SEMA5A: variants seen among roughly 807,000 people sequenced by gnomAD.
SEMA5A encodes the protein semaphorin 5A.
SEMA5A carries 55 observed loss-of-function variants against 135.5 expected under a neutral mutation model. The ratio of observed to expected loss-of-function variants is 0.41; its 90% confidence interval spans 0.33 to 0.51. The LOEUF is 0.51. Among genes scored for constraint, SEMA5A ranks in the 20% least tolerant of loss-of-function variants. The probability of loss-of-function intolerance (pLI) is 0.37; values close to 1 mark genes in which losing one functional copy is unlikely to be tolerated. For synonymous variants in SEMA5A, 580 were observed against 546.5 expected (o/e 1.06, Z -0.85); for missense variants, 1,290 against 1,419.9 (o/e 0.91, Z 1.47).
At chr5:9,208,530 CAG>C (rs1233997533) in intron 8 of SEMA5A, among the ~76,000 whole-genome samples, 1 of 152,034 alleles carries the variant, frequency 6.6e-6, no homozygotes, top group Non-Finnish European at 1.5e-5. Flanking sequence ...CTGGGAGAAA[CAG>C]AGGATCAGAA....
chr5:9,210,767 T>C (rs1038925814), intron 8 of SEMA5A, among the ~76,000 whole-genome samples: 1 of 152,134 alleles, frequency 6.6e-6, no homozygotes, highest in African/African-American at 2.4e-5. Flanking sequence ...AGAAGGATAA[T>C]GCAATCTCCC....
chr5:9,203,196 C>T (rs532156023), intron 8 of SEMA5A, among the ~76,000 whole-genome samples: 11 of 152,256 alleles, frequency 7.2e-5, no homozygotes, highest in East Asian at 1.9e-4. Context: ...TTTTATTCTT[C>T]GCTATTTCTA....
At chr5:9,305,734 G>GCA (rs111746284) in intron 5 of SEMA5A, among the ~76,000 whole-genome samples, 11,993 of 142,470 alleles carry the variant, frequency 0.084, 919 homozygotes, top group African/African-American at 0.19. Context: ...ATATTTACAC[G>GCA]CACACACACA....
intron 18 of SEMA5A, among the ~76,000 whole-genome samples, chr5:9,056,232 C>A (rs1561108714): frequency 6.6e-6 from 1 of 152,154 alleles, no homozygotes; most frequent in Non-Finnish European, 1.5e-5. Flanking sequence ...AGATGCTCAG[C>A]ATCATGAATC....
intron 19 of SEMA5A, among the ~76,000 whole-genome samples, chr5:9,053,339 C>T (rs1736699957): frequency 6.6e-6 from 1 of 152,216 alleles, no homozygotes; most frequent in African/African-American, 2.4e-5. Flanking sequence ...TTTTCAACAA[C>T]AAAACCTCAG....
intron 10 of SEMA5A, among the ~76,000 whole-genome samples, chr5:9,195,815 C>A (rs1009971251): frequency 6.6e-6 from 1 of 152,200 alleles, no homozygotes; most frequent in African/African-American, 2.4e-5. Context: ...AATCACTGAA[C>A]CTTTCCATAC....
intron 12 of SEMA5A, among the ~76,000 whole-genome samples, chr5:9,144,687 C>G (rs577655143): frequency 6.6e-6 from 1 of 152,130 alleles, no homozygotes; most frequent in Non-Finnish European, 1.5e-5. Flanking sequence ...CCCAGTTGCT[C>G]TTGTGTGGAT....
chr5:9,088,659 T>TATATATATACACACACACACACAC, intron 16 of SEMA5A, among the ~76,000 whole-genome samples: 1 of 112,888 alleles, frequency 8.9e-6, no homozygotes, highest in Non-Finnish European at 1.7e-5. Flanking sequence ...TATATATATA[T>TATATATATACACACACACACACAC]ACACACACAC....
intron 2 of SEMA5A, among the ~76,000 whole-genome samples, chr5:9,382,205 C>A (rs1038113496): frequency 7.2e-5 from 11 of 152,080 alleles, no homozygotes; most frequent in African/African-American, 2.7e-4. Flanking sequence ...GTGGCTGAAG[C>A]AGGAGGATTG....
chr5:9,396,243 CGTG>C, intron 2 of SEMA5A, among the ~76,000 whole-genome samples: 1 of 117,522 alleles, frequency 8.5e-6, no homozygotes, highest in African/African-American at 3.1e-5. Flanking sequence ...AATGCGCGTG[CGTG>C]CACACACACA....
chr5:9,236,250 C>T (rs974198846), intron 6 of SEMA5A, among the ~76,000 whole-genome samples: 7 of 152,162 alleles, frequency 4.6e-5, no homozygotes, highest in South Asian at 2.1e-4. Context: ...GCAAGGCCCA[C>T]GGCAGGCCTT....
chr5:9,273,508 G>A (rs564528381), intron 5 of SEMA5A, among the ~76,000 whole-genome samples: 25 of 152,072 alleles, frequency 1.6e-4, no homozygotes, highest in East Asian at 5.8e-4. Context: ...GATACTCCTC[G>A]AAAAGAGCAA....
At chr5:9,266,854 G>A (rs1749706299) in intron 5 of SEMA5A, among the ~76,000 whole-genome samples, 1 of 152,168 alleles carries the variant, frequency 6.6e-6, no homozygotes, top group Non-Finnish European at 1.5e-5. Context: ...TATCAATATG[G>A]AAAGTTCAGC....
Position 9,315,784 on chromosome 5 carries a change from A to G in SEMA5A, c.270+2588T>C, listed in dbSNP as rs568216993. On this transcript the variant is annotated intron_variant, in intron 5 of 22. Coordinates refer to ENST00000382496, the MANE Select transcript of SEMA5A (RefSeq NM_003966.3). The stretch of plus-strand genomic sequence containing the variant: ...ACTGAACTCTGTCCCATTGCTGGTG[A>G]AGTTCCCCTTGACCTTTGACTATTT... Among the ~76,000 whole-genome samples the G allele has an allele frequency of 4.6e-5, 7 of 152,244 alleles. No individual in the cohort carries two copies. The South Asian group carries it at 1.2e-3, about 27-fold the overall frequency.
intron 16 of SEMA5A, among the ~76,000 whole-genome samples, chr5:9,096,843 G>C (rs1395247568): frequency 1.3e-5 from 2 of 152,128 alleles, no homozygotes; most frequent in Admixed American, 1.3e-4. Flanking sequence ...ATGAAAAGCT[G>C]CTCAACATCA....
intron 2 of SEMA5A, chr5:9,380,247 A>G (rs1387790794): frequency 2.3e-5 from 7 of 299,970 alleles, no homozygotes; most frequent in Admixed American, 4.6e-5. Context: ...TCATTCTCCC[A>G]ATAATTGCAT....
chr5:9,153,151 G>C (rs1742727724), intron 12 of SEMA5A, among the ~76,000 whole-genome samples: 1 of 151,880 alleles, frequency 6.6e-6, no homozygotes, highest in African/African-American at 2.4e-5. Context: ...TTGGCACCTT[G>C]TTTAGAGAGA....
chr5:9,471,278 T>C (rs1759468390), intron 1 of SEMA5A, among the ~76,000 whole-genome samples: 1 of 152,226 alleles, frequency 6.6e-6, no homozygotes, highest in South Asian at 2.1e-4. Context: ...TCTCAGTTCC[T>C]ACAGGACCCT....
intron 1 of SEMA5A, among the ~76,000 whole-genome samples, chr5:9,504,120 C>A (rs539721003): frequency 6.8e-6 from 1 of 148,046 alleles, no homozygotes; most frequent in South Asian, 2.1e-4. Context: ...AAGGCTGAGG[C>A]AGGAGAATCG....
Sources: allele counts gnomAD v4.1 joint callset (sites outside exome capture counted in the v4.1 genomes callset), GRCh38; gene constraint gnomAD v4.1.1; transcripts MANE v1.5; gene names NCBI Gene and HGNC (gene_info 2026-07-23, HGNC 2026-07-21).